Variants in TUT7 observed in about 807,000 individuals in gnomAD.
TUT7 encodes terminal uridylyltransferase 7.
Under a neutral mutation model 165.9 loss-of-function variants are expected in TUT7, and 33 were observed. The ratio of observed to expected loss-of-function variants is 0.20; its 90% CI spans 0.15 to 0.27. The LOEUF (loss-of-function observed/expected upper bound fraction) is 0.27, where lower values mean the gene tolerates loss of function less well. TUT7 is among the 10% of genes least tolerant of loss of function. The pLI is 1.00. For missense variants in TUT7, 1,338 were observed against 1,762.3 expected, an observed-to-expected ratio of 0.76 and a Z score of 4.31; for synonymous variants, 552 against 608.1, an observed-to-expected ratio of 0.91 and a Z score of 1.36.
intron 2 of TUT7, among the ~76,000 whole-genome samples, chr9:86,349,775 A>C (rs1011832192): frequency 1.3e-5 from 2 of 152,192 alleles, no homozygotes; most frequent in Non-Finnish European, 2.9e-5. Context: ...TTTTCAAGGG[A>C]TAGAAACTGA....
At position 86,305,245 on chromosome 9, in the gene TUT7, C is replaced by T; in HGVS notation, c.3839-6G>A. On this transcript the variant is annotated splice_polypyrimidine_tract_variant and splice_region_variant and intron_variant, in intron 22 of 26. Coordinates refer to ENST00000375963, the MANE Select transcript of TUT7 (RefSeq NM_024617.4). ...ATGATTCAAATCAAAGGGATCTAAG[C>T]AAAAAAATTTAAGAGCAAATAAGGT... 6.3e-7 allele frequency: 1 copy of T among 1,582,816 alleles called. No individual in the cohort carries two copies. The highest frequency in any genetic ancestry group is 8.6e-7 in the Non-Finnish European group (1 of 1,167,806).
chr9:86,320,995 A>C (rs1033956116), intron 14 of TUT7, among the ~76,000 whole-genome samples: 13 of 152,296 alleles, frequency 8.5e-5, no homozygotes, highest in Admixed American at 2.6e-4. Context: ...AGGAAGAATA[A>C]CACCACCAAC....
intron 25 of TUT7, 46 bp downstream of exon 25, chr9:86,303,040 A>C (rs1179280069): frequency 1.1e-6 from 1 of 895,446 alleles, no homozygotes; most frequent in African/African-American, 1.7e-5. Context: ...AAATTGGGAC[A>C]TTAAGAAAAT....
Position 86,290,392 on chromosome 9 carries a change from T to C in TUT7, c.4421-1648A>G, listed in dbSNP as rs140695749. Reference sequence around the variant, plus strand: ...AAAGCAGGACATCGAGATAAGCAACTCACAATGAAAAATATCAGCCAGGGA... The same window carrying C: ...AAAGCAGGACATCGAGATAAGCAACCCACAATGAAAAATATCAGCCAGGGA... On this transcript the variant is annotated intron_variant, in intron 26 of 26. Transcript: ENST00000375963. Among the ~76,000 whole-genome samples, 460 of 152,176 alleles carry C rather than the reference T, an allele frequency of 3.0e-3. 4 individuals are homozygous for C. The highest frequency in any genetic ancestry group is 6.8e-3 in the Middle Eastern group (2 of 294).
In TUT7 at chr9:86,288,581, C is replaced by A; in HGVS notation, c.*96G>T. 2.4e-6 allele frequency: 2 copies of A among 834,604 alleles called. No individual in the cohort carries two copies. Among genetic ancestry groups the A allele is most frequent in the Non-Finnish European group, 3.7e-6 (2 of 543,004 alleles). 51.7% of individuals were successfully genotyped at this position (834,604 alleles called of 1,614,324 possible). ...ATTTCCCTTAAATGTTAAGTTGAAG[C>A]CTGATCTACACTGCTGTGTCCTGTG... On this transcript the variant is annotated 3_prime_UTR_variant, in exon 27 of 27. Coordinates refer to ENST00000375963, the MANE Select transcript of TUT7 (RefSeq NM_024617.4).
At chr9:86,339,526 A>C (rs1399583837) in intron 8 of TUT7, among the ~76,000 whole-genome samples, 111 of 152,218 alleles carry the variant, frequency 7.3e-4, no homozygotes, top group Admixed American at 7.3e-3. Flanking sequence ...TCAAAAAAAA[A>C]AGTTTCAAAT....
intron 19 of TUT7, 51 bp from the exon 20 acceptor site, chr9:86,309,627 T>A: frequency 2.2e-6 from 3 of 1,393,558 alleles, no homozygotes; most frequent in Non-Finnish European, 3.0e-6. Context: ...TTCTGCTAAC[T>A]TTGCATCCAT....
chr9:86,331,790 T>C (rs969738966), intron 10 of TUT7, among the ~76,000 whole-genome samples: 1 of 152,228 alleles, frequency 6.6e-6, no homozygotes, highest in Non-Finnish European at 1.5e-5. Flanking sequence ...TGAAGAATTT[T>C]TGCATAGCCC....
chr9:86,326,959 G>A (rs960491776), intron 11 of TUT7, among the ~76,000 whole-genome samples: 2 of 152,080 alleles, frequency 1.3e-5, no homozygotes, highest in Non-Finnish European at 2.9e-5. Flanking sequence ...TTCCTCTAAG[G>A]TGCACAAATT....
chr9:86,328,881 T>A (rs188369958), intron 10 of TUT7, among the ~76,000 whole-genome samples: 165 of 152,212 alleles, frequency 1.1e-3, no homozygotes, highest in Middle Eastern at 0.01. Flanking sequence ...GGGGTAACAC[T>A]AGGACTTCCT....
chr9:86,334,964 A>G (rs1830640971), intron 10 of TUT7, among the ~76,000 whole-genome samples: 1 of 152,146 alleles, frequency 6.6e-6, no homozygotes, highest in East Asian at 1.9e-4. Flanking sequence ...GCATTTGTTC[A>G]GTCTGCAGGT....
intron 4 of TUT7, 106 bp from the exon 5 acceptor site, chr9:86,345,260 C>T: frequency 1.9e-6 from 2 of 1,071,574 alleles, no homozygotes; most frequent in Non-Finnish European, 2.6e-6. Context: ...TTAGCCCTCC[C>T]TTCTCATTTT....
At chr9:86,291,273 G>T (rs966923833) in intron 26 of TUT7, among the ~76,000 whole-genome samples, 1 of 152,062 alleles carries the variant, frequency 6.6e-6, no homozygotes, top group East Asian at 1.9e-4. Flanking sequence ...ATTCACAGAA[G>T]AGGAACTCCA....
chr9:86,351,495 G>GAAAAAA (rs904143136), intron 2 of TUT7, among the ~76,000 whole-genome samples: 1 of 151,826 alleles, frequency 6.6e-6, no homozygotes, highest in African/African-American at 2.4e-5. Flanking sequence ...TGTGAAAAAA[G>GAAAAAA]AAAAAAAATC....
At chr9:86,312,941 C>T (rs1014814502) in intron 17 of TUT7, among the ~76,000 whole-genome samples, 5 of 151,862 alleles carry the variant, frequency 3.3e-5, no homozygotes, top group Non-Finnish European at 5.9e-5. Flanking sequence ...TCACCACTCC[C>T]TAATCTCAAG....
At chr9:86,338,741 T>C in intron 9 of TUT7, 82 bp downstream of exon 9, 5 of 1,369,570 alleles carry the variant, frequency 3.7e-6, no homozygotes, top group Non-Finnish European at 4.8e-6. Context: ...ATTTAAACAC[T>C]GAAGATTAAA....
Position 86,323,679 on chromosome 9 carries a change from T to C in TUT7, c.2071A>G (p.Lys691Glu). The change falls in exon 13 of 27, where the codon AAG (lysine) becomes GAG (glutamate). Residue 691 changes from lysine (K) to glutamate (E), a missense_variant. Physicochemically the swap from Lys to Glu is moderately conservative, Grantham distance 56 (BLOSUM62 1). Around this residue, in one of 7 missense-constraint regions of TUT7, gnomAD observed 425 missense variants for 474.9 expected, o/e 0.89. Coordinates refer to ENST00000375963, the MANE Select transcript of TUT7 (RefSeq NM_024617.4). Reference sequence around the variant, plus strand: ...TCTTTAAGAGTAAGTGGCTGTACCTTACAGGTATTTGCAGCTGAACTGGTA... The same window carrying C: ...TCTTTAAGAGTAAGTGGCTGTACCTCACAGGTATTTGCAGCTGAACTGGTA... ...GATSSAANTC[K>E]VQPLTLKETA... The C allele has an allele frequency of 6.2e-7, 1 of 1,614,210 alleles. No homozygotes were observed. Among genetic ancestry groups the C allele is most frequent in the African/African-American group, 1.3e-5 (1 of 75,064 alleles).
At chr9:86,312,550 C>T (rs1230034643) in intron 17 of TUT7, among the ~76,000 whole-genome samples, 10 of 152,084 alleles carry the variant, frequency 6.6e-5, no homozygotes, top group South Asian at 2.1e-4. Context: ...CGCCTCTGCC[C>T]GGCCGCCCCT....
chr9:86,346,176 G>A (rs749051963), intron 3 of TUT7, 123 bp downstream of exon 3: 18 of 863,506 alleles, frequency 2.1e-5, no homozygotes, highest in Non-Finnish European at 3.2e-5. Flanking sequence ...TTAACTTGTA[G>A]TGCTTAAATA....
Sources: allele counts gnomAD v4.1 joint callset (sites outside exome capture counted in the v4.1 genomes callset), GRCh38; gene constraint gnomAD v4.1.1; regional missense constraint gnomAD v4.1.1; transcripts MANE v1.5; gene names NCBI Gene and HGNC (gene_info 2026-07-23, HGNC 2026-07-21).